RABGAP1L: variants seen among roughly 807,000 people sequenced by gnomAD.
The protein encoded by RABGAP1L is RAB GTPase activating protein 1 like, also known as rab GTPase-activating protein 1-like.
Under a neutral mutation model 137.7 loss-of-function variants are expected in RABGAP1L, and 63 were observed. The observed-to-expected ratio is 0.46, with a 90% CI of 0.37 to 0.56. RABGAP1L has a LOEUF of 0.56. Among genes scored for constraint, RABGAP1L ranks in the 20% least tolerant of loss-of-function variants. The pLI is 0.00. For missense variants in RABGAP1L, 1,095 were observed against 1,244.0 expected (o/e 0.88, Z 1.80); for synonymous variants, 431 against 433.7 (o/e 0.99, Z 0.08).
rs538170110 is a variant in RABGAP1L at position 174,553,061 on chromosome 1, C to T, written c.1711-84314C>T. 1.1e-4 allele frequency among the ~76,000 whole-genome samples: 16 copies of T among 152,200 alleles called. No homozygotes were observed. The East Asian group carries it at 3.1e-3, about 29-fold the overall frequency. ...GAAGTAACTGTTCATGTTCTTTGCC[C>T]ACTTTTTAATGAGGTTGTTTTTTTC... On this transcript the variant is annotated intron_variant, in intron 13 of 25. Coordinates refer to ENST00000681986, the MANE Select transcript of RABGAP1L (RefSeq NM_001366446.1).
At position 174,910,096 on chromosome 1, in the gene RABGAP1L, G is replaced by A. The variant is rs1269281831; in HGVS notation, c.2341-47361G>A. Among the ~76,000 whole-genome samples, 4 of 152,148 alleles carry A rather than the reference G, an allele frequency of 2.6e-5. 1 individual carries two copies. The highest frequency in any genetic ancestry group is 4.2e-4 in the South Asian group (2 of 4,816). The stretch of plus-strand genomic sequence containing the variant: ...GGAGCTTGCAGTGAGCTGAGATTTC[G>A]CGACTGCACTCCAACCTGGGTGACA... On this transcript the variant is annotated intron_variant, in intron 19 of 25. Transcript: ENST00000681986.
chr1:174,291,266 T>A (rs12066028), intron 10 of RABGAP1L, among the ~76,000 whole-genome samples: 5,644 of 139,884 alleles, frequency 0.04, 321 homozygotes, highest in African/African-American at 0.14. Context: ...TGAATTACAT[T>A]GATTTTTTTT....
chr1:174,512,399 A>G (rs1330663382), intron 13 of RABGAP1L, among the ~76,000 whole-genome samples: 1 of 152,230 alleles, frequency 6.6e-6, no homozygotes, highest in Non-Finnish European at 1.5e-5. Context: ...TAACACTTAC[A>G]TAATGTCTGA....
intron 19 of RABGAP1L, among the ~76,000 whole-genome samples, chr1:174,914,138 C>T (rs1660481610): frequency 6.6e-6 from 1 of 152,156 alleles, no homozygotes; most frequent in Admixed American, 6.5e-5. Context: ...ATTTTCTAAA[C>T]TGTGATTGCA....
intron 13 of RABGAP1L, among the ~76,000 whole-genome samples, chr1:174,577,502 G>A (rs1668469531): frequency 6.6e-6 from 1 of 151,982 alleles, no homozygotes; most frequent in South Asian, 2.1e-4. Context: ...TACTGTTACT[G>A]CCACCAACAC....
At position 174,590,353 on chromosome 1, in the gene RABGAP1L, T is replaced by A. The variant is rs540591559; in HGVS notation, c.1711-47022T>A. On this transcript the variant is annotated intron_variant, in intron 13 of 25. Coordinates refer to ENST00000681986, the MANE Select transcript of RABGAP1L (RefSeq NM_001366446.1). ...TTTTTTTTCTTTTTTTTTTTATTTATTTTTTTTTTATTATACTCTAAGTTT... is the reference window on the plus strand; with the variant it reads ...TTTTTTTTCTTTTTTTTTTTATTTAATTTTTTTTTATTATACTCTAAGTTT... 9.4e-4 allele frequency among the ~76,000 whole-genome samples: 79 copies of A among 84,372 alleles called. 1 individual carries two copies. The highest frequency in any genetic ancestry group is 2.8e-3 in the African/African-American group (74 of 26,202). The allele number at this position is 84,372 out of a possible 152,430, so 55.4% of individuals were successfully genotyped here. A position where few individuals can be genotyped will look rare whatever the true frequency, so the allele number is the denominator to read the frequency against.
chr1:174,966,000 T>G (rs1669589547), intron 20 of RABGAP1L, among the ~76,000 whole-genome samples: 1 of 152,238 alleles, frequency 6.6e-6, no homozygotes, highest in African/African-American at 2.4e-5. Context: ...CTCACACCTC[T>G]TTCTTATATA....
rs79734778 is a variant in RABGAP1L at position 174,910,452 on chromosome 1, A to G, written c.2341-47005A>G. On this transcript the variant is annotated intron_variant, in intron 19 of 25. Transcript: ENST00000681986. ...CATAAATGACAAACCCACAGGTAAC[A>G]TTGTACTGACTGGGAAAAGTTGAAG... is the stretch of plus-strand genomic sequence containing the variant. Among the ~76,000 whole-genome samples, 297 of 152,346 alleles carry G rather than the reference A, an allele frequency of 1.9e-3. 7 individuals carry two copies. In the East Asian group the frequency reaches 0.051, roughly 26 times the overall value.
In RABGAP1L at chr1:174,855,901, G is replaced by A. The variant is rs544394061; in HGVS notation, c.2340+43941G>A. Among the ~76,000 whole-genome samples the A allele has an allele frequency of 2.9e-4, 44 of 152,302 alleles. No homozygotes were observed. In the South Asian group the frequency reaches 7.5e-3, roughly 26 times the overall value. On this transcript the variant is annotated intron_variant, in intron 19 of 25. Transcript: ENST00000681986. ...TGCTACCCCAGATGTGTAGCACTCTGCTTTGTACATAGAAAGCACTTAGCA... is the reference window on the plus strand; with the variant it reads ...TGCTACCCCAGATGTGTAGCACTCTACTTTGTACATAGAAAGCACTTAGCA...
Position 174,409,488 on chromosome 1 carries a change from C to G in RABGAP1L, c.1710+15343C>G, listed in dbSNP as rs1649658764. On this transcript the variant is annotated intron_variant, in intron 13 of 25. Transcript: ENST00000681986. ...GTTTGAACAATATGAAATCAGTGCA[C>G]CTTGAAAAAGAACAGAATAACACGA... 2.0e-5 allele frequency among the ~76,000 whole-genome samples: 3 copies of G among 152,044 alleles called. No homozygotes were observed. In the South Asian group the frequency reaches 6.2e-4, roughly 32 times the overall value.
At chr1:174,849,037 C>T (rs576784326) in intron 19 of RABGAP1L, among the ~76,000 whole-genome samples, 1 of 152,342 alleles carries the variant, frequency 6.6e-6, no homozygotes, top group East Asian at 1.9e-4. Flanking sequence ...AGGGAACTCC[C>T]TGACCCCTTG....
At chr1:174,453,644 G>T (rs986829131) in intron 13 of RABGAP1L, among the ~76,000 whole-genome samples, 10 of 152,114 alleles carry the variant, frequency 6.6e-5, no homozygotes, top group African/African-American at 2.2e-4. Context: ...TTTTCCTTGA[G>T]CAGAAATTAA....
chr1:174,957,635 T>C, intron 20 of RABGAP1L, 86 bp downstream of exon 20: 2 of 1,230,844 alleles, frequency 1.6e-6, no homozygotes, highest in Admixed American at 1.9e-5. Flanking sequence ...CAGGCTGGTC[T>C]TGAACACCTG....
At chr1:174,700,785 C>T (rs572334879) in intron 16 of RABGAP1L, 6 of 194,890 alleles carry the variant, frequency 3.1e-5, no homozygotes, top group Admixed American at 1.7e-4. Flanking sequence ...TCCTTTTTAA[C>T]GATTTAATTC....
intron 20 of RABGAP1L, 44 bp from the exon 21 acceptor site, chr1:174,969,233 T>A (rs1235276130): frequency 2.1e-6 from 3 of 1,409,624 alleles, no homozygotes; most frequent in Non-Finnish European, 2.9e-6. Flanking sequence ...CGTTTCTGTA[T>A]GTCCAGACAC....
intron 7 of RABGAP1L, among the ~76,000 whole-genome samples, chr1:174,253,223 A>T (rs1473473827): frequency 6.6e-6 from 1 of 152,222 alleles, no homozygotes; most frequent in Non-Finnish European, 1.5e-5. Flanking sequence ...TAAGAAACAT[A>T]TGTAAAGAGG....
intron 19 of RABGAP1L, among the ~76,000 whole-genome samples, chr1:174,908,537 C>CTTTTTTTTTTTTTTTTTTTTTTTTTTTT (rs774387616): frequency 1.1e-5 from 1 of 94,418 alleles, no homozygotes; most frequent in Non-Finnish European, 2.0e-5. Context: ...ACAACATATT[C>CTTTTTTTTTTTTTTTTTTTTTTTTTTTT]TTTTTTTTTT....
At chr1:174,172,357 G>A (rs1015705154) in intron 1 of RABGAP1L, among the ~76,000 whole-genome samples, 6 of 151,910 alleles carry the variant, frequency 3.9e-5, no homozygotes, top group African/African-American at 1.5e-4. Flanking sequence ...AGTTTCTTTG[G>A]GTGTATACCC....
intron 17 of RABGAP1L, among the ~76,000 whole-genome samples, chr1:174,734,946 ATC>A (rs1359934793): frequency 5.0e-5 from 7 of 140,052 alleles, no homozygotes; most frequent in African/African-American, 1.3e-4. Flanking sequence ...GGAAATTAGG[ATC>A]TCTCTCTTTT....
Sources: allele counts gnomAD v4.1 joint callset (sites outside exome capture counted in the v4.1 genomes callset), GRCh38; gene constraint gnomAD v4.1.1; transcripts MANE v1.5; gene names NCBI Gene and HGNC (gene_info 2026-07-23, HGNC 2026-07-21).